The following PARM1 variants were observed in gnomAD, a reference collection of about 807,000 sequenced individuals.
The protein encoded by PARM1 is prostate androgen-regulated mucin-like protein 1, also known as WSC4, cell wall integrity and stress response component 4 homolog.
In PARM1, 14 loss-of-function variants were observed where a neutral mutation model predicts 24.6. The ratio of observed to expected loss-of-function variants is 0.57; its 90% CI spans 0.38 to 0.89. The LOEUF (loss-of-function observed/expected upper bound fraction) is 0.89, where lower values mean the gene tolerates loss of function less well. PARM1 is among the 40% of genes least tolerant of loss of function. PARM1 has a pLI of 0.00. For missense variants in PARM1, 362 were observed against 380.4 expected (o/e 0.95, Z 0.40); for synonymous variants, 179 against 156.6 (o/e 1.14, Z -1.07).
chr4:74,952,585 C>G (rs1223940872), intron 1 of PARM1, among the ~76,000 whole-genome samples: 1 of 152,142 alleles, frequency 6.6e-6, no homozygotes, highest in Non-Finnish European at 1.5e-5. Context: ...TTTAATCCAT[C>G]TTGAGCTAAT....
At chr4:74,995,761 AGCTTTTCCT>A (rs1722565173) in intron 1 of PARM1, among the ~76,000 whole-genome samples, 1 of 152,122 alleles carries the variant, frequency 6.6e-6, no homozygotes, top group Non-Finnish European at 1.5e-5. Flanking sequence ...AGCCCCTAGC[AGCTTTTCCT>A]GCCTCCAGAT....
At chr4:74,942,998 T>A (rs2109981354) in intron 1 of PARM1, among the ~76,000 whole-genome samples, 1 of 152,324 alleles carries the variant, frequency 6.6e-6, no homozygotes, top group East Asian at 1.9e-4. Context: ...GCCACAGGAC[T>A]ACCAGAAGCA....
intron 1 of PARM1, among the ~76,000 whole-genome samples, chr4:74,935,291 A>G (rs546691719): frequency 4.6e-5 from 7 of 152,314 alleles, no homozygotes; most frequent in African/African-American, 1.7e-4. Context: ...TTCCCCCTGA[A>G]GTTTGTGCCT....
rs187172403 is a variant in PARM1 at position 74,940,759 on chromosome 4, T to G, written c.43+7389T>G. Among the ~76,000 whole-genome samples the G allele has an allele frequency of 3.7e-4, 57 of 152,364 alleles. 1 individual carries two copies. The highest frequency in any genetic ancestry group is 1.4e-3 in the African/African-American group (57 of 41,580). On this transcript the variant is annotated intron_variant, in intron 1 of 3. Coordinates refer to ENST00000307428, the MANE Select transcript of PARM1 (RefSeq NM_015393.4). ...TCCATACTATAGGACTCTTGCTTTG[T>G]ACTGTAATTGGACTCTTCAGGAAGA...
At chr4:75,001,208 T>C (rs1281032538) in intron 1 of PARM1, among the ~76,000 whole-genome samples, 1 of 152,172 alleles carries the variant, frequency 6.6e-6, no homozygotes, top group African/African-American at 2.4e-5. Context: ...GTAATAACCC[T>C]GAACCAAAAA....
chr4:74,994,574 C>T lies in PARM1; in HGVS notation c.44-17851C>T, dbSNP rs536401597. Among the ~76,000 whole-genome samples the T allele has an allele frequency of 3.9e-5, 6 of 152,064 alleles. No homozygotes were observed. In the East Asian group the frequency reaches 1.2e-3, roughly 29 times the overall value. On this transcript the variant is annotated intron_variant, in intron 1 of 3. Coordinates refer to ENST00000307428, the MANE Select transcript of PARM1 (RefSeq NM_015393.4). ...TTGTAATCCCAGCACTTTGGAAGGC[C>T]GAGGCAGGTGGATAACTTGAGGTCA...
chr4:74,939,105 G>C (rs1721250452), intron 1 of PARM1, among the ~76,000 whole-genome samples: 1 of 152,114 alleles, frequency 6.6e-6, no homozygotes, highest in African/African-American at 2.4e-5. Flanking sequence ...TCAACTGGTT[G>C]TCTTGTTTTT....
chr4:74,945,249 C>A (rs1250581288), intron 1 of PARM1, among the ~76,000 whole-genome samples: 1 of 152,160 alleles, frequency 6.6e-6, no homozygotes, highest in African/African-American at 2.4e-5. Context: ...CGTTGGGTCA[C>A]TTTTACTTTC....
intron 1 of PARM1, among the ~76,000 whole-genome samples, chr4:74,945,856 G>A (rs970282826): frequency 1.3e-5 from 2 of 152,176 alleles, no homozygotes; most frequent in African/African-American, 4.8e-5. Flanking sequence ...TCAATAAAAT[G>A]TGGTGTAGGT....
chr4:74,977,798 T>C (rs946171348), intron 1 of PARM1, among the ~76,000 whole-genome samples: 1 of 151,942 alleles, frequency 6.6e-6, no homozygotes, highest in East Asian at 1.9e-4. Context: ...CAAAAAGAGA[T>C]TGGGGGCCAA....
chr4:74,945,895 C>A (rs1362323686), intron 1 of PARM1, among the ~76,000 whole-genome samples: 1 of 152,162 alleles, frequency 6.6e-6, no homozygotes, highest in Non-Finnish European at 1.5e-5. Flanking sequence ...TATTAATACT[C>A]TATGACATTA....
In PARM1 at chr4:74,979,853, C is replaced by T. The variant is rs544547991; in HGVS notation, c.44-32572C>T. 3.9e-5 allele frequency among the ~76,000 whole-genome samples: 6 copies of T among 152,218 alleles called. No homozygotes were observed. The South Asian group carries it at 6.2e-4, about 16-fold the overall frequency. Reference sequence around the variant, plus strand: ...ACGTTAAGTCATCGCATAAAGAGAACTAAAGACAAAAACCACATGATTATC... The same window carrying T: ...ACGTTAAGTCATCGCATAAAGAGAATTAAAGACAAAAACCACATGATTATC... On this transcript the variant is annotated intron_variant, in intron 1 of 3. Coordinates refer to ENST00000307428, the MANE Select transcript of PARM1 (RefSeq NM_015393.4).
At chr4:74,964,687 C>A (rs1280711570) in intron 1 of PARM1, among the ~76,000 whole-genome samples, 2 of 152,020 alleles carry the variant, frequency 1.3e-5, no homozygotes, top group Non-Finnish European at 2.9e-5. Context: ...ACTATAGGTT[C>A]TATGAGAGTA....
intron 3 of PARM1, 120 bp from the exon 4 acceptor site, chr4:75,046,043 C>T (rs1403278531): frequency 9.2e-6 from 6 of 652,134 alleles, no homozygotes; most frequent in Admixed American, 4.9e-5. Context: ...CTAGTGAGAG[C>T]GTCACAACTT....
chr4:74,989,969 T>C (rs1722434327), intron 1 of PARM1, among the ~76,000 whole-genome samples: 1 of 152,140 alleles, frequency 6.6e-6, no homozygotes, highest in Non-Finnish European at 1.5e-5. Context: ...GGAGTGATCA[T>C]GGAAATGTAG....
chr4:74,990,292 G>A (rs998113582), intron 1 of PARM1, among the ~76,000 whole-genome samples: 1 of 152,188 alleles, frequency 6.6e-6, no homozygotes, highest in Non-Finnish European at 1.5e-5. Context: ...ATTCAAGCAA[G>A]CAAGGCCTGG....
At chr4:75,020,558 A>G (rs1040569854) in intron 2 of PARM1, among the ~76,000 whole-genome samples, 2 of 150,686 alleles carry the variant, frequency 1.3e-5, no homozygotes, top group Non-Finnish European at 3.0e-5. Context: ...ACAGTTAAAC[A>G]CAAATCTGAT....
chr4:75,013,205 G>A, intron 2 of PARM1, 55 bp downstream of exon 2: 1 of 1,529,876 alleles, frequency 6.5e-7, no homozygotes, highest in Non-Finnish European at 8.8e-7. Flanking sequence ...CATTAAGAAT[G>A]CAGTTCAGTG....
chr4:74,986,046 C>T (rs1191358975), intron 1 of PARM1, among the ~76,000 whole-genome samples: 1 of 152,186 alleles, frequency 6.6e-6, no homozygotes, highest in Non-Finnish European at 1.5e-5. Flanking sequence ...GGATTACAGG[C>T]ATGAGCCACT....
Sources: allele counts gnomAD v4.1 joint callset (sites outside exome capture counted in the v4.1 genomes callset), GRCh38; gene constraint gnomAD v4.1.1; transcripts MANE v1.5; gene names NCBI Gene and HGNC (gene_info 2026-07-23, HGNC 2026-07-21).